Variants in PCNX2 observed in about 807,000 individuals in gnomAD.
PCNX2 encodes the protein pecanex 2.
PCNX2 carries 168 observed loss-of-function variants against 223.8 expected under a neutral mutation model. The ratio of observed to expected loss-of-function variants is 0.75; its 90% CI spans 0.66 to 0.85. The LOEUF is 0.85. PCNX2 is among the 40% of genes least tolerant of loss of function. The pLI is 0.00. For synonymous variants in PCNX2, 1,006 were observed against 1,052.6 expected (o/e 0.96, Z 0.86); for missense variants, 2,507 against 2,675.5 (o/e 0.94, Z 1.39).
At position 233,139,622 on chromosome 1, in the gene PCNX2, G is replaced by A; in HGVS notation, c.3659+92C>T. The A allele has an allele frequency of 7.1e-7, 1 of 1,412,686 alleles. No individual in the cohort carries two copies. Among genetic ancestry groups the A allele is most frequent in the African/African-American group, 1.4e-5 (1 of 69,462 alleles). The allele number at this position is 1,412,686 out of a possible 1,614,324, so 87.5% of individuals were successfully genotyped here. ...ACATGGCCAATCACAGTCGGTAAAG[G>A]TTGGCTTCTTCTGCAGATTGTTTAC... is the stretch of plus-strand genomic sequence containing the variant. On this transcript the variant is annotated intron_variant, in intron 20 of 33. Transcript: ENST00000258229. The surrounding 1 kb of genome is among the most constrained non-coding windows in gnomAD (Gnocchi z 4.4).
At position 233,263,157 on chromosome 1, in the gene PCNX2, G is replaced by T. The variant is rs1386402847; in HGVS notation, c.160C>A (p.Pro54Thr). 8.1e-6 allele frequency: 13 copies of T among 1,603,262 alleles called. No individual in the cohort carries two copies. The highest frequency in any genetic ancestry group is 1.1e-5 in the Non-Finnish European group (13 of 1,174,676). Residue 54 changes from proline (P) to threonine (T), a missense_variant, in exon 2 of 34, where the codon CCT (proline) becomes ACT (threonine). Around this residue, in one of 3 missense-constraint regions of PCNX2, gnomAD observed 1,031 missense variants for 1,021.7 expected, o/e 1.01. Coordinates refer to ENST00000258229, the MANE Select transcript of PCNX2 (RefSeq NM_014801.4). ...AAAAATACAATGATCGCATTTGGAG[G>T]AAAAGCCTGAAGAAAGGAAAAGACA... is the stretch of plus-strand genomic sequence containing the variant. ...LLPLALHLAF[P>T]PNAIIVFFYC...
intron 26 of PCNX2, among the ~76,000 whole-genome samples, chr1:233,024,523 C>T (rs528101480): frequency 7.9e-5 from 12 of 152,304 alleles, no homozygotes; most frequent in African/African-American, 2.2e-4. Context: ...CACCTCAGCC[C>T]GGATGAACAC....
At chr1:233,249,239 A>G (rs963047625) in intron 8 of PCNX2, among the ~76,000 whole-genome samples, 1 of 152,234 alleles carries the variant, frequency 6.6e-6, no homozygotes, top group African/African-American at 2.4e-5. Flanking sequence ...AAAATGACAT[A>G]TATTTATCCT....
At chr1:233,278,103 T>G (rs1368228066) in intron 1 of PCNX2, among the ~76,000 whole-genome samples, 2 of 152,220 alleles carry the variant, frequency 1.3e-5, no homozygotes, top group Non-Finnish European at 2.9e-5. Context: ...TGGACTCTAT[T>G]TCAAGTAATT....
chr1:233,313,823 C>T, the PCNX2 span, among the ~76,000 whole-genome samples: 2 of 152,120 alleles, frequency 1.3e-5, no homozygotes, highest in Non-Finnish European at 2.9e-5. Context: ...CAATAAGCAA[C>T]GCACTTTACA....
chr1:233,024,458 C>G (rs1264838539), intron 26 of PCNX2, among the ~76,000 whole-genome samples: 4 of 152,176 alleles, frequency 2.6e-5, no homozygotes, highest in African/African-American at 4.8e-5. Flanking sequence ...ATAGGACCCA[C>G]AGCGAAGATT....
chr1:233,212,089 G>GGC (rs1681854506), intron 12 of PCNX2, among the ~76,000 whole-genome samples: 2 of 152,160 alleles, frequency 1.3e-5, no homozygotes, highest in Non-Finnish European at 2.9e-5. Flanking sequence ...GGCTGTTGAT[G>GGC]ATTTCGTTTT....
intron 33 of PCNX2, 71 bp downstream of exon 33, chr1:232,986,021 G>A (rs1295080432): frequency 6.7e-7 from 1 of 1,499,310 alleles, no homozygotes; most frequent in Non-Finnish European, 9.1e-7. Flanking sequence ...CGCAAGGCAG[G>A]TGCCACGCTC....
chr1:233,223,046 G>A (rs1657485424), intron 10 of PCNX2, among the ~76,000 whole-genome samples: 1 of 152,198 alleles, frequency 6.6e-6, no homozygotes, highest in African/African-American at 2.4e-5. Context: ...AAGACCAAGA[G>A]CTTTGCAGCC....
rs750834074 is a variant in PCNX2, at chr1:233,161,331, G to A, written c.3306C>T (p.Cys1102=). The A allele has an allele frequency of 1.1e-5, 17 of 1,613,738 alleles. No homozygotes were observed. In the East Asian group the frequency reaches 1.3e-4, roughly 13 times the overall value. The change falls in exon 18 of 34, where the codon TGC becomes TGT. Residue 1102 remains cysteine (C), a synonymous_variant. Coordinates refer to ENST00000258229, the MANE Select transcript of PCNX2 (RefSeq NM_014801.4). ...CAAATGAGAGGACAGCAACCACTGCGCAGACGATGAGATCCCATTTTAAGA... is the reference window on the plus strand; with the variant it reads ...CAAATGAGAGGACAGCAACCACTGCACAGACGATGAGATCCCATTTTAAGA... The part of the protein sequence containing the change: ...TDVLKWDLIV[C]AVVAVLSFAV...
At chr1:233,044,047 CTCCACA>C (rs1344384242) in intron 25 of PCNX2, among the ~76,000 whole-genome samples, 3 of 151,688 alleles carry the variant, frequency 2.0e-5, no homozygotes, top group African/African-American at 7.3e-5. Context: ...GTTCCTATTT[CTCCACA>C]TCCTCTCCAG....
At chr1:233,022,574 T>C (rs1432990470) in intron 26 of PCNX2, among the ~76,000 whole-genome samples, 1 of 148,470 alleles carries the variant, frequency 6.7e-6, no homozygotes, top group African/African-American at 2.6e-5. Context: ...AGGTAGTGTG[T>C]GCACAGTGTG....
chr1:233,046,817 G>T (rs1671839988), intron 25 of PCNX2, among the ~76,000 whole-genome samples: 1 of 152,134 alleles, frequency 6.6e-6, no homozygotes, highest in Non-Finnish European at 1.5e-5. Flanking sequence ...TTGTAATATT[G>T]ACAAATAACG....
chr1:233,203,634 A>G (rs1397001124), intron 13 of PCNX2, among the ~76,000 whole-genome samples: 1 of 152,040 alleles, frequency 6.6e-6, no homozygotes. Context: ...CATGACAAGG[A>G]GTTTCTCCAT....
intron 21 of PCNX2, among the ~76,000 whole-genome samples, chr1:233,131,388 A>G (rs1039086211): frequency 6.6e-5 from 10 of 151,954 alleles, no homozygotes; most frequent in African/African-American, 2.2e-4. Flanking sequence ...TTTTTTTTGA[A>G]AAAAAATATT....
chr1:233,218,536 C>T (rs1460166397), intron 10 of PCNX2, among the ~76,000 whole-genome samples: 1 of 152,114 alleles, frequency 6.6e-6, no homozygotes, highest in East Asian at 1.9e-4. Context: ...AGGCGTGAGC[C>T]ACCGTGCCCA....
In PCNX2 at chr1:233,199,043, C is replaced by T. The variant is rs762004107; in HGVS notation, c.2975-13G>A. ...ATCCCAGACACAGCTGGAACACAAA[C>T]ATCAACAGTTCTTTTCTAGACCCGC... On this transcript the variant is annotated splice_polypyrimidine_tract_variant and intron_variant, in intron 14 of 33. Transcript: ENST00000258229. 2.6e-6 allele frequency: 4 copies of T among 1,554,708 alleles called. No homozygotes were observed. In the East Asian group the frequency reaches 7.2e-5, roughly 28 times the overall value.
intron 17 of PCNX2, among the ~76,000 whole-genome samples, chr1:233,171,797 T>C (rs568594257): frequency 3.0e-4 from 45 of 152,344 alleles, no homozygotes; most frequent in African/African-American, 1.1e-3. Flanking sequence ...TCTCTCTTTT[T>C]CAAGGAATTC....
At chr1:233,162,389 T>C (rs1678546934) in intron 17 of PCNX2, among the ~76,000 whole-genome samples, 1 of 152,236 alleles carries the variant, frequency 6.6e-6, no homozygotes, top group Non-Finnish European at 1.5e-5. Flanking sequence ...AAGGGATTTA[T>C]GCCTTTTAAA....
Sources: allele counts gnomAD v4.1 joint callset (sites outside exome capture counted in the v4.1 genomes callset), GRCh38; gene constraint gnomAD v4.1.1; regional missense constraint gnomAD v4.1.1; non-coding constraint Gnocchi (gnomAD v3.1); transcripts MANE v1.5; gene names NCBI Gene and HGNC (gene_info 2026-07-23, HGNC 2026-07-21).